KAZN: variants seen among roughly 807,000 people sequenced by gnomAD.
KAZN encodes the protein kazrin, periplakin interacting protein, also known as kazrin.
KAZN carries 40 observed loss-of-function variants against 87.4 expected under a neutral mutation model. That is an observed-to-expected ratio of 0.46 (90% CI 0.36 to 0.60). The LOEUF is 0.60. Among genes scored for constraint, KAZN ranks in the 20% least tolerant of loss-of-function variants. The probability of loss-of-function intolerance (pLI) is 0.00; values close to 1 mark genes in which losing one functional copy is unlikely to be tolerated. For missense variants in KAZN, 898 were observed against 1,073.9 expected (o/e 0.84, Z 2.29); for synonymous variants, 466 against 458.3 (o/e 1.02, Z -0.22).
intron 1 of KAZN, among the ~76,000 whole-genome samples, chr1:13,941,769 C>T (rs1388201878): frequency 6.6e-6 from 1 of 152,186 alleles, no homozygotes; most frequent in Non-Finnish European, 1.5e-5. Flanking sequence ...ATCACCACCA[C>T]CACCAACAGC....
rs1639934971 is a variant in KAZN at position 15,080,267 on chromosome 1, AG to A, written c.1223-13912del. Among the ~76,000 whole-genome samples the A allele has an allele frequency of 2.0e-5, 3 of 152,238 alleles. No homozygotes were observed. In the South Asian group the frequency reaches 6.2e-4, roughly 31 times the overall value. ...GTATAAAGCAGTTATTGTTGGTAAA[AG>A]CAGCACTCTGCTGGACTTTTCTATT... On this transcript the variant is annotated intron_variant, in intron 8 of 14. Transcript: ENST00000376030.
At chr1:13,954,099 CA>C (rs1641452221) in intron 1 of KAZN, among the ~76,000 whole-genome samples, 1 of 152,106 alleles carries the variant, frequency 6.6e-6, no homozygotes. Context: ...ACACGAACAA[CA>C]AAAACTGCAG....
intron 1 of KAZN, among the ~76,000 whole-genome samples, chr1:13,995,382 T>C (rs1050115148): frequency 6.6e-6 from 1 of 152,156 alleles, no homozygotes; most frequent in African/African-American, 2.4e-5. Flanking sequence ...GATGCAAAAA[T>C]AAACTGTTTT....
At chr1:14,566,156 C>T (rs539432470) in intron 2 of KAZN, among the ~76,000 whole-genome samples, 111 of 152,248 alleles carry the variant, frequency 7.3e-4, no homozygotes, top group African/African-American at 2.6e-3. Flanking sequence ...GATTGAAAGT[C>T]TAAATTACTC....
At chr1:14,166,786 C>T (rs555551509) in intron 1 of KAZN, among the ~76,000 whole-genome samples, 1 of 152,216 alleles carries the variant, frequency 6.6e-6, no homozygotes, top group East Asian at 1.9e-4. Context: ...TGGTTTTATT[C>T]ACTTATATTT....
At chr1:14,144,334 A>G (rs1645301601) in intron 1 of KAZN, among the ~76,000 whole-genome samples, 2 of 152,188 alleles carry the variant, frequency 1.3e-5, no homozygotes, top group South Asian at 4.1e-4. Flanking sequence ...GGTGGACCAC[A>G]TCTTCCAGAA....
At chr1:14,043,614 T>G (rs983580182) in intron 1 of KAZN, among the ~76,000 whole-genome samples, 1 of 25,132 alleles carries the variant, frequency 4.0e-5, no homozygotes, top group Non-Finnish European at 5.9e-5. Context: ...TATTTTCTGT[T>G]TTTTTTTTAA....
intron 1 of KAZN, chr1:14,692,751 G>A (rs1241712187): frequency 6.6e-6 from 1 of 152,240 alleles, no homozygotes; most frequent in Non-Finnish European, 1.5e-5. Flanking sequence ...TGACCAACAT[G>A]GAGAAACCCT....
At chr1:14,119,035 A>ACAAAAAAAAC (rs199832330) in intron 1 of KAZN, among the ~76,000 whole-genome samples, 1 of 150,554 alleles carries the variant, frequency 6.6e-6, no homozygotes, top group Non-Finnish European at 1.5e-5. Flanking sequence ...AAACAAACAA[A>ACAAAAAAAAC]AAAAACAAAA....
chr1:14,687,087 T>A (rs1297865881), intron 1 of KAZN, among the ~76,000 whole-genome samples: 1 of 152,172 alleles, frequency 6.6e-6, no homozygotes, highest in Non-Finnish European at 1.5e-5. Context: ...CCCCTCTGAA[T>A]GAAAAATTGA....
chr1:14,412,958 A>T (rs1288120286), intron 2 of KAZN, among the ~76,000 whole-genome samples: 2 of 148,788 alleles, frequency 1.3e-5, no homozygotes, highest in African/African-American at 2.4e-5. Context: ...ATACATAAAT[A>T]TATAAAATGT....
At chr1:14,958,422 G>A (rs1031273257) in intron 1 of KAZN, among the ~76,000 whole-genome samples, 1 of 147,312 alleles carries the variant, frequency 6.8e-6, no homozygotes, top group Admixed American at 6.8e-5. Flanking sequence ...CACTTCCTAT[G>A]TACACAAGGC....
intron 2 of KAZN, among the ~76,000 whole-genome samples, chr1:14,366,035 C>A (rs1659968704): frequency 6.6e-6 from 1 of 152,186 alleles, no homozygotes; most frequent in Non-Finnish European, 1.5e-5. Context: ...GGAAATACAG[C>A]AAATCTGGTG....
intron 1 of KAZN, among the ~76,000 whole-genome samples, chr1:13,910,984 G>A (rs1639633144): frequency 6.6e-6 from 1 of 152,076 alleles, no homozygotes; most frequent in African/African-American, 2.4e-5. Context: ...AAAGGGGAAG[G>A]AGGTGCATGA....
At chr1:14,016,182 G>A (rs1001926918) in intron 1 of KAZN, among the ~76,000 whole-genome samples, 2 of 152,094 alleles carry the variant, frequency 1.3e-5, no homozygotes, top group South Asian at 4.1e-4. Flanking sequence ...ACGAAGCATT[G>A]CCAAAGCCTG....
At chr1:14,236,253 A>G (rs1431946033) in intron 2 of KAZN, among the ~76,000 whole-genome samples, 1 of 152,082 alleles carries the variant, frequency 6.6e-6, no homozygotes, top group African/African-American at 2.4e-5. Context: ...ATCTGGTTTT[A>G]TCTGGCAGAG....
At position 14,715,465 on chromosome 1, in the gene KAZN, G is replaced by A. The variant is rs569315727; in HGVS notation, c.226+116242G>A. ...GGCAGCGAAGCTGTTTCCTCCATTCGCAGCAGAGCTGTTGGAAGCCGGCAG... is the reference window on the plus strand; with the variant it reads ...GGCAGCGAAGCTGTTTCCTCCATTCACAGCAGAGCTGTTGGAAGCCGGCAG... On this transcript the variant is annotated intron_variant, in intron 1 of 14. Coordinates refer to ENST00000376030, the MANE Select transcript of KAZN (RefSeq NM_201628.3). 2.0e-3 allele frequency among the ~76,000 whole-genome samples: 311 copies of A among 152,322 alleles called. 1 individual carries two copies. The highest frequency in any genetic ancestry group is 3.7e-3 in the Non-Finnish European group (250 of 68,034).
At chr1:14,585,386 T>A (rs1474291413) in intron 2 of KAZN, among the ~76,000 whole-genome samples, 1 of 152,194 alleles carries the variant, frequency 6.6e-6, no homozygotes, top group African/African-American at 2.4e-5. Context: ...ATCTGCACAA[T>A]GGCAGGACGT....
At chr1:14,192,045 T>C (rs571418454) in intron 2 of KAZN, among the ~76,000 whole-genome samples, 2 of 152,290 alleles carry the variant, frequency 1.3e-5, no homozygotes, top group African/African-American at 4.8e-5. Context: ...TAGCTTTCCA[T>C]TTTCTGTAGT....
Sources: gnomAD v4.1 joint callset for allele counts (sites outside exome capture counted in the v4.1 genomes callset) on GRCh38, gnomAD v4.1.1 for gene constraint, MANE v1.5 for transcripts, NCBI Gene and HGNC (gene_info 2026-07-23, HGNC 2026-07-21) for gene names.